The following ADAMTS16 variants were observed in gnomAD, a reference collection of about 807,000 sequenced individuals.
The protein encoded by ADAMTS16 is ADAM metallopeptidase with thrombospondin type 1 motif 16.
A neutral mutation model predicts 145.8 loss-of-function variants in ADAMTS16; 94 were observed. The observed-to-expected ratio is 0.64, with a 90% CI of 0.55 to 0.77. The LOEUF (loss-of-function observed/expected upper bound fraction) is 0.77. Among genes scored for constraint, ADAMTS16 ranks in the 30% least tolerant of loss-of-function variants. The pLI is 0.00. For synonymous variants in ADAMTS16, 659 were observed against 604.3 expected (o/e 1.09, Z -1.33); for missense variants, 1,585 against 1,591.5 (o/e 1.00, Z 0.07).
chr5:5,153,014 A>C (rs968918333), intron 3 of ADAMTS16, among the ~76,000 whole-genome samples: 1 of 152,230 alleles, frequency 6.6e-6, no homozygotes, highest in African/African-American at 2.4e-5. Flanking sequence ...TCTTCAAAAC[A>C]TGGGAATCCA....
intron 10 of ADAMTS16, among the ~76,000 whole-genome samples, chr5:5,215,855 ATGTGGTGTG>A (rs1355721751): frequency 2.4e-5 from 3 of 125,174 alleles, no homozygotes; most frequent in South Asian, 2.5e-4. Context: ...ATATATATAT[ATGTGGTGTG>A]TATGTGTATA....
chr5:5,254,621 A>G (rs1460059338), intron 17 of ADAMTS16, among the ~76,000 whole-genome samples: 1 of 152,192 alleles, frequency 6.6e-6, no homozygotes, highest in Non-Finnish European at 1.5e-5. Flanking sequence ...GGGTAAATTT[A>G]TGAAATGCTG....
chr5:5,190,056 C>A lies in ADAMTS16; in HGVS notation c.1133C>A (p.Thr378Asn). Residue 378 changes from threonine to asparagine, a missense_variant, in exon 7 of 23, where the codon ACT (threonine) becomes AAT (asparagine). By Grantham distance (65) the Thr-to-Asn change is moderately conservative (BLOSUM62 0). Coordinates refer to ENST00000274181, the MANE Select transcript of ADAMTS16 (RefSeq NM_139056.4). Reference protein sequence around the residue: ...WQSGLMGKDGTRHDHAILLTG... With the variant: ...WQSGLMGKDGNRHDHAILLTG... ...TCTGGATTGATGGGGAAAGATGGGA[C>A]TCGTCATGACCACGCCATCTTACTG... 6.2e-7 allele frequency: 1 copy of A among 1,613,402 alleles called. No homozygotes were observed. The highest frequency in any genetic ancestry group is 1.1e-5 in the South Asian group (1 of 90,844).
chr5:5,235,620 T>C (rs925109196), intron 13 of ADAMTS16, among the ~76,000 whole-genome samples: 1 of 152,194 alleles, frequency 6.6e-6, no homozygotes, highest in Non-Finnish European at 1.5e-5. Flanking sequence ...TTTTGAAGCA[T>C]AGTATGTTCA....
In ADAMTS16 at chr5:5,285,621, ACTAG is replaced by A. The variant is rs538915911; in HGVS notation, c.2790-17643_2790-17640del. ...ATGCAGGTAAAGCACCTCATTAAATACTAGCTATTAGTATTATAGGAACTCTGTA... is the reference window on the plus strand; with the variant it reads ...ATGCAGGTAAAGCACCTCATTAAATACTATTAGTATTATAGGAACTCTGTA... On this transcript the variant is annotated intron_variant, in intron 18 of 22. Transcript: ENST00000274181. Among the ~76,000 whole-genome samples the A allele has an allele frequency of 3.0e-3, 455 of 152,386 alleles. 3 individuals carry two copies. The highest frequency in any genetic ancestry group is 2.9e-3 in the Non-Finnish European group (196 of 68,038).
At chr5:5,294,718 G>C (rs111528851) in intron 18 of ADAMTS16, among the ~76,000 whole-genome samples, 266 of 152,316 alleles carry the variant, frequency 1.7e-3, no homozygotes, top group African/African-American at 6.1e-3. Flanking sequence ...AGCTTTGCTG[G>C]AAAATTGGAA....
intron 3 of ADAMTS16, among the ~76,000 whole-genome samples, chr5:5,177,559 C>A (rs1735234316): frequency 6.6e-6 from 1 of 151,876 alleles, no homozygotes; most frequent in Non-Finnish European, 1.5e-5. Context: ...TTCAAGATAT[C>A]ACATATAATC....
At chr5:5,304,866 C>T (rs888071788) in intron 20 of ADAMTS16, among the ~76,000 whole-genome samples, 1 of 151,920 alleles carries the variant, frequency 6.6e-6, no homozygotes, top group Admixed American at 6.6e-5. Flanking sequence ...GAGGCAGAGT[C>T]TACAGAAAAT....
chr5:5,245,359 A>G (rs1737409429), intron 17 of ADAMTS16, among the ~76,000 whole-genome samples: 1 of 152,200 alleles, frequency 6.6e-6, no homozygotes. Context: ...GATAATAATT[A>G]ACTTTGCCAA....
intron 18 of ADAMTS16, among the ~76,000 whole-genome samples, chr5:5,286,098 A>C (rs1739090187): frequency 6.6e-6 from 1 of 152,196 alleles, no homozygotes; most frequent in Admixed American, 6.5e-5. Flanking sequence ...TAAATGCTAC[A>C]TGGGTTGGCT....
chr5:5,306,851 G>C, intron 21 of ADAMTS16, 123 bp downstream of exon 21: 1 of 1,015,316 alleles, frequency 9.8e-7, no homozygotes, highest in Non-Finnish European at 1.4e-6. Flanking sequence ...TACTGCATGA[G>C]GTTTTCTTTC....
intron 17 of ADAMTS16, among the ~76,000 whole-genome samples, chr5:5,242,603 C>T (rs139437709): frequency 1.4e-4 from 22 of 152,186 alleles, no homozygotes; most frequent in African/African-American, 4.8e-4. Context: ...TTGTTCAAAA[C>T]GTTTCCTGGA....
chr5:5,274,679 T>TATATAC (rs896355366), intron 18 of ADAMTS16, among the ~76,000 whole-genome samples: 2 of 140,888 alleles, frequency 1.4e-5, no homozygotes, highest in Admixed American at 6.9e-5. Context: ...TATGTGTATA[T>TATATAC]ATATACATAT....
chr5:5,151,657 C>T (rs1283641100), intron 3 of ADAMTS16, among the ~76,000 whole-genome samples: 1 of 150,212 alleles, frequency 6.7e-6, no homozygotes, highest in Non-Finnish European at 1.5e-5. Context: ...CAAATTTATC[C>T]ATTATTTCCC....
chr5:5,194,519 A>G (rs558300572), intron 8 of ADAMTS16, among the ~76,000 whole-genome samples: 3 of 152,288 alleles, frequency 2.0e-5, no homozygotes, highest in Non-Finnish European at 4.4e-5. Flanking sequence ...GAGTCGGGGA[A>G]TGAGTGACGC....
intron 8 of ADAMTS16, among the ~76,000 whole-genome samples, chr5:5,193,882 C>T (rs564633280): frequency 6.6e-6 from 1 of 152,262 alleles, no homozygotes; most frequent in African/African-American, 2.4e-5. Flanking sequence ...GGGAGGATCA[C>T]TTGAGCCCAG....
At chr5:5,297,158 T>C (rs1209927980) in intron 18 of ADAMTS16, among the ~76,000 whole-genome samples, 1 of 152,160 alleles carries the variant, frequency 6.6e-6, no homozygotes, top group Admixed American at 6.5e-5. Context: ...GCTGGAGCCC[T>C]TCCCAGCACA....
intron 11 of ADAMTS16, among the ~76,000 whole-genome samples, chr5:5,230,494 G>A (rs1736890614): frequency 6.6e-6 from 1 of 152,154 alleles, no homozygotes; most frequent in Non-Finnish European, 1.5e-5. Flanking sequence ...ATGATTTCAA[G>A]TCTGGGAGTC....
In ADAMTS16 at chr5:5,269,657, G is replaced by A. The variant is rs933074703; in HGVS notation, c.2789+6874G>A. 3.3e-5 allele frequency among the ~76,000 whole-genome samples: 5 copies of A among 152,128 alleles called. No homozygotes were observed. Among genetic ancestry groups the A allele is most frequent in the Admixed American group, 6.5e-5 (1 of 15,268 alleles). On this transcript the variant is annotated intron_variant, in intron 18 of 22. Coordinates refer to ENST00000274181, the MANE Select transcript of ADAMTS16 (RefSeq NM_139056.4). This position sits in a 1 kb window ranked among gnomAD's most constrained non-coding sequence, Gnocchi z 4.3. ...CGAGCCTCTAGAGGAGCCTTTGGAAGTTACTATTTTTTCCATATAAGTGAC... is the reference window on the plus strand; with the variant it reads ...CGAGCCTCTAGAGGAGCCTTTGGAAATTACTATTTTTTCCATATAAGTGAC...
Sources: gnomAD v4.1 joint callset for allele counts (sites outside exome capture counted in the v4.1 genomes callset) on GRCh38, gnomAD v4.1.1 for gene constraint, Gnocchi (gnomAD v3.1) non-coding constraint, MANE v1.5 for transcripts, NCBI Gene and HGNC (gene_info 2026-07-23, HGNC 2026-07-21) for gene names.